The following NRXN3 variants were observed in gnomAD, a reference collection of about 807,000 sequenced individuals.
The protein encoded by NRXN3 is neurexin III.
A neutral mutation model predicts 137.6 loss-of-function variants in NRXN3; 32 were observed. That is an observed-to-expected ratio of 0.23 (90% confidence interval 0.18 to 0.31). The LOEUF (loss-of-function observed/expected upper bound fraction) is 0.31, where lower values mean the gene tolerates loss of function less well. Ranked by LOEUF, NRXN3 falls within the 10% of genes least tolerant of loss-of-function variation. NRXN3 has a pLI of 1.00. For synonymous variants in NRXN3, 798 were observed against 784.5 expected (o/e 1.02, Z -0.29); for missense variants, 1,574 against 2,062.5 (o/e 0.76, Z 4.59).
intron 10 of NRXN3, among the ~76,000 whole-genome samples, chr14:78,909,637 A>C (rs1463972422): frequency 6.6e-6 from 1 of 152,140 alleles, no homozygotes; most frequent in Non-Finnish European, 1.5e-5. Context: ...AAATCTTTAA[A>C]GGGAATCCAT....
intron 2 of NRXN3, among the ~76,000 whole-genome samples, chr14:78,244,741 C>T (rs1207964349): frequency 2.0e-5 from 3 of 152,292 alleles, no homozygotes; most frequent in Admixed American, 1.3e-4. Flanking sequence ...GTTCCCTTTC[C>T]CATCCTCTCC....
intron 4 of NRXN3, among the ~76,000 whole-genome samples, chr14:78,366,564 C>T (rs886373053): frequency 6.6e-6 from 1 of 152,096 alleles, no homozygotes; most frequent in Non-Finnish European, 1.5e-5. Context: ...AAAGACATAT[C>T]CATAAGACTG....
chr14:78,349,112 G>C (rs1173463093), intron 4 of NRXN3, among the ~76,000 whole-genome samples: 1 of 152,186 alleles, frequency 6.6e-6, no homozygotes, highest in African/African-American at 2.4e-5. Flanking sequence ...AGCTAATATT[G>C]ATTCTCATTA....
chr14:79,681,528 T>G (rs2098670345), intron 17 of NRXN3, among the ~76,000 whole-genome samples: 1 of 152,040 alleles, frequency 6.6e-6, no homozygotes. Flanking sequence ...GAAGTTCACA[T>G]GGCAATCTCA....
chr14:79,342,257 T>G (rs2092646102), intron 15 of NRXN3, among the ~76,000 whole-genome samples: 1 of 152,192 alleles, frequency 6.6e-6, no homozygotes. Flanking sequence ...AAGGTCAGAC[T>G]GTTGATGCTG....
At chr14:78,643,171 C>CTCT (rs1456717138) in intron 4 of NRXN3, among the ~76,000 whole-genome samples, 1 of 152,168 alleles carries the variant, frequency 6.6e-6, no homozygotes, top group Non-Finnish European at 1.5e-5. Context: ...CTTTTTACAG[C>CTCT]TCTTACTTTA....
chr14:78,346,655 A>AG, intron 4 of NRXN3, among the ~76,000 whole-genome samples: 1 of 152,250 alleles, frequency 6.6e-6, no homozygotes, highest in South Asian at 2.1e-4. Flanking sequence ...CACCTTACCC[A>AG]GGGGAGCCTT....
chr14:78,600,165 G>A (rs574674162), intron 4 of NRXN3, among the ~76,000 whole-genome samples: 1 of 152,282 alleles, frequency 6.6e-6, no homozygotes, highest in South Asian at 2.1e-4. Context: ...GTATCCGACA[G>A]TGGAACCACT....
chr14:78,461,348 T>G lies in NRXN3; in HGVS notation c.757+163488T>G, dbSNP rs552322690. Among the ~76,000 whole-genome samples, 63 of 151,326 alleles carry G rather than the reference T, an allele frequency of 4.2e-4. 1 individual carries two copies. The highest frequency in any genetic ancestry group is 3.5e-3 in the Admixed American group (54 of 15,224). ...AGGTAGGCCTTGTTCAGAGCCATGTTACTAATCTCAAGTCTAGGGGTTTGC... is the reference window on the plus strand; with the variant it reads ...AGGTAGGCCTTGTTCAGAGCCATGTGACTAATCTCAAGTCTAGGGGTTTGC... On this transcript the variant is annotated intron_variant, in intron 4 of 20. Transcript: ENST00000335750.
chr14:78,891,987 G>A (rs1224579064), intron 10 of NRXN3, among the ~76,000 whole-genome samples: 28 of 151,910 alleles, frequency 1.8e-4, no homozygotes, highest in South Asian at 6.2e-4. Context: ...GCTTTATAAG[G>A]GGAAGTGAGA....
chr14:79,297,265 G>A (rs2084341426), intron 15 of NRXN3, among the ~76,000 whole-genome samples: 1 of 152,186 alleles, frequency 6.6e-6, no homozygotes, highest in East Asian at 1.9e-4. Flanking sequence ...CATTTCCTAA[G>A]TAGATTCCAC....
At chr14:79,363,707 G>T (rs563390179) in intron 15 of NRXN3, among the ~76,000 whole-genome samples, 1 of 152,142 alleles carries the variant, frequency 6.6e-6, no homozygotes, top group Non-Finnish European at 1.5e-5. Context: ...TATAGCACCA[G>T]TCCAAACAGA....
intron 4 of NRXN3, among the ~76,000 whole-genome samples, chr14:78,627,904 G>A (rs1171712071): frequency 2.6e-5 from 4 of 152,094 alleles, no homozygotes; most frequent in Admixed American, 6.6e-5. Context: ...TCCTTTTTAT[G>A]TAAGTACCTT....
chr14:79,848,994 T>C (rs2099386226), intron 20 of NRXN3, among the ~76,000 whole-genome samples: 2 of 152,186 alleles, frequency 1.3e-5, no homozygotes, highest in Admixed American at 6.6e-5. Context: ...TAAATTTGAT[T>C]CAGGTGTACA....
chr14:79,691,359 G>A (rs920186592), intron 17 of NRXN3, among the ~76,000 whole-genome samples: 6 of 152,148 alleles, frequency 3.9e-5, no homozygotes, highest in Admixed American at 3.3e-4. Context: ...GAGAAAGCAG[G>A]AGGGAGAGAG....
intron 16 of NRXN3, among the ~76,000 whole-genome samples, chr14:79,493,090 A>G (rs2096732961): frequency 6.6e-6 from 1 of 152,244 alleles, no homozygotes. Flanking sequence ...AATCGACATT[A>G]ATTCAAGTTG....
At chr14:78,741,350 A>G (rs1195444252) in intron 8 of NRXN3, among the ~76,000 whole-genome samples, 1 of 152,220 alleles carries the variant, frequency 6.6e-6, no homozygotes. Context: ...CTCAATGGAA[A>G]GGCATCAACA....
intron 4 of NRXN3, among the ~76,000 whole-genome samples, chr14:78,457,441 G>A (rs1182614239): frequency 6.6e-6 from 1 of 152,138 alleles, no homozygotes; most frequent in Non-Finnish European, 1.5e-5. Context: ...ATAGAGGAGA[G>A]GGTGACAGTG....
chr14:79,386,954 A>G (rs1599553644), intron 15 of NRXN3, among the ~76,000 whole-genome samples: 1 of 152,246 alleles, frequency 6.6e-6, no homozygotes, highest in East Asian at 1.9e-4. Context: ...AATTAATTCA[A>G]GATGGATTAA....
Sources: gnomAD v4.1 joint callset for allele counts (sites outside exome capture counted in the v4.1 genomes callset) on GRCh38, gnomAD v4.1.1 for gene constraint, MANE v1.5 for transcripts, NCBI Gene and HGNC (gene_info 2026-07-23, HGNC 2026-07-21) for gene names.